The following RBFOX1 variants were observed in gnomAD, a reference collection of about 807,000 sequenced individuals.
RBFOX1 encodes the protein RNA binding protein fox-1 homolog 1.
RBFOX1 carries 8 observed loss-of-function variants against 57.7 expected under a neutral mutation model. That is an observed-to-expected ratio of 0.14 (90% CI 0.08 to 0.25). RBFOX1 has a LOEUF of 0.25. Ranked by LOEUF, RBFOX1 falls within the 10% of genes least tolerant of loss-of-function variation. The pLI, the probability that RBFOX1 is intolerant of heterozygous loss-of-function variation, is 1.00. For synonymous variants in RBFOX1, 326 were observed against 222.4 expected (o/e 1.47, Z -4.15); for missense variants, 611 against 548.5 (o/e 1.11, Z -1.14).
intron 3 of RBFOX1, among the ~76,000 whole-genome samples, chr16:5,785,958 C>T (rs1359703238): frequency 6.6e-6 from 1 of 152,184 alleles, no homozygotes; most frequent in Middle Eastern, 3.2e-3. Context: ...CATTCCCTAC[C>T]TTCATGCTCA....
At chr16:7,508,061 A>C (rs2073948733) in intron 4 of RBFOX1, among the ~76,000 whole-genome samples, 1 of 150,616 alleles carries the variant, frequency 6.6e-6, no homozygotes, top group African/African-American at 2.4e-5. Flanking sequence ...ATCTTGGATC[A>C]CTGCACACTC....
At chr16:7,365,669 C>T (rs80179657) in intron 4 of RBFOX1, among the ~76,000 whole-genome samples, 2 of 152,244 alleles carry the variant, frequency 1.3e-5, no homozygotes, top group East Asian at 3.9e-4. Context: ...TGGCAGGGCA[C>T]AGTAAAGGTA....
chr16:7,669,036 C>G (rs1186779581), intron 13 of RBFOX1, among the ~76,000 whole-genome samples: 1 of 152,192 alleles, frequency 6.6e-6, no homozygotes, highest in African/African-American at 2.4e-5. Context: ...TCCTGAGTAA[C>G]TGGGATTACA....
intron 2 of RBFOX1, among the ~76,000 whole-genome samples, chr16:6,321,926 T>C (rs2081851674): frequency 6.6e-6 from 1 of 152,206 alleles, no homozygotes; most frequent in South Asian, 2.1e-4. Flanking sequence ...CACAGATTGC[T>C]ATACATCTTC....
intron 3 of RBFOX1, among the ~76,000 whole-genome samples, chr16:6,812,636 C>T (rs2089002047): frequency 6.6e-6 from 1 of 152,134 alleles, no homozygotes; most frequent in South Asian, 2.1e-4. Flanking sequence ...CTCAGCCTAC[C>T]ACAGTGCTGG....
chr16:6,472,092 C>T (rs371854284), intron 2 of RBFOX1, among the ~76,000 whole-genome samples: 3 of 152,102 alleles, frequency 2.0e-5, no homozygotes, highest in East Asian at 1.9e-4. Flanking sequence ...CAGACTCTAC[C>T]GACAAATTTA....
chr16:5,769,840 A>C (rs1474243774), intron 3 of RBFOX1, among the ~76,000 whole-genome samples: 1 of 152,152 alleles, frequency 6.6e-6, no homozygotes, highest in Non-Finnish European at 1.5e-5. Context: ...CAAGATAGTA[A>C]ATTTCTGTTG....
chr16:6,971,632 G>A (rs1233745823), intron 3 of RBFOX1, among the ~76,000 whole-genome samples: 1 of 152,076 alleles, frequency 6.6e-6, no homozygotes, highest in African/African-American at 2.4e-5. Context: ...GGCGGAGAAT[G>A]GAGTCAAACA....
At chr16:5,827,858 C>T (rs2056120501) in intron 3 of RBFOX1, among the ~76,000 whole-genome samples, 1 of 151,616 alleles carries the variant, frequency 6.6e-6, no homozygotes, top group Non-Finnish European at 1.5e-5. Flanking sequence ...CCCACCCACT[C>T]ATCCAGGCTT....
chr16:6,596,004 G>A (rs925335226), intron 2 of RBFOX1, among the ~76,000 whole-genome samples: 1 of 151,462 alleles, frequency 6.6e-6, no homozygotes, highest in Non-Finnish European at 1.5e-5. Context: ...TGTATGTAAG[G>A]GTTCTATATT....
intron 14 of RBFOX1, among the ~76,000 whole-genome samples, chr16:7,679,062 C>G (rs1279765346): frequency 6.6e-6 from 1 of 152,200 alleles, no homozygotes; most frequent in Non-Finnish European, 1.5e-5. Flanking sequence ...AAGCAAGACA[C>G]TTGCCACATG....
intron 3 of RBFOX1, among the ~76,000 whole-genome samples, chr16:5,739,455 G>T (rs2052698846): frequency 6.6e-6 from 1 of 152,206 alleles, no homozygotes; most frequent in African/African-American, 2.4e-5. Context: ...TAAGTTATAA[G>T]GAGTATTGGA....
chr16:6,241,108 C>T (rs560471349), intron 1 of RBFOX1, among the ~76,000 whole-genome samples: 2 of 152,180 alleles, frequency 1.3e-5, no homozygotes, highest in Non-Finnish European at 2.9e-5. Flanking sequence ...AACCCAATCT[C>T]AACAGTCTTT....
At chr16:7,145,472 G>T (rs912967402) in intron 4 of RBFOX1, among the ~76,000 whole-genome samples, 1 of 152,150 alleles carries the variant, frequency 6.6e-6, no homozygotes, top group Non-Finnish European at 1.5e-5. Context: ...CTCCCAAAGT[G>T]CTGAGATGAG....
At chr16:5,484,100 G>GT (rs2069643170) in intron 2 of RBFOX1, among the ~76,000 whole-genome samples, 1 of 152,234 alleles carries the variant, frequency 6.6e-6, no homozygotes, top group Non-Finnish European at 1.5e-5. Context: ...GCACCAAAGA[G>GT]GTTGAGGCCG....
intron 4 of RBFOX1, among the ~76,000 whole-genome samples, chr16:7,504,100 C>T (rs2071936321): frequency 6.6e-6 from 1 of 152,082 alleles, no homozygotes; most frequent in Non-Finnish European, 1.5e-5. Context: ...CAGTCATAGG[C>T]TAGGCTCTGG....
At chr16:5,413,012 T>C (rs1425960873) in intron 1 of RBFOX1, among the ~76,000 whole-genome samples, 1 of 152,278 alleles carries the variant, frequency 6.6e-6, no homozygotes, top group East Asian at 1.9e-4. Flanking sequence ...TGGTGACAGC[T>C]CTGGATGAAG....
intron 1 of RBFOX1, among the ~76,000 whole-genome samples, chr16:6,231,136 C>G (rs1369323077): frequency 2.6e-5 from 4 of 151,804 alleles, no homozygotes; most frequent in Admixed American, 2.0e-4. Flanking sequence ...AAGCTGAAAT[C>G]TGAATGTTGA....
rs376214010 is a variant in RBFOX1, at chr16:5,291,500, A to G, written c.219+51395A>G. On this transcript the variant is annotated intron_variant, in intron 1 of 2. Transcript: ENST00000585867. The stretch of plus-strand genomic sequence containing the variant: ...GAATGGTCTGGATCTCCCTAATGTC[A>G]TGATCCACCCGCCTCGGCCTCCCAA... Among the ~76,000 whole-genome samples the G allele has an allele frequency of 8.0e-4, 120 of 150,890 alleles. 2 individuals carry two copies. The East Asian group carries it at 0.022, about 27-fold the overall frequency.
Sources: allele counts gnomAD v4.1 joint callset (sites outside exome capture counted in the v4.1 genomes callset), GRCh38; gene constraint gnomAD v4.1.1; transcripts MANE v1.5; gene names NCBI Gene and HGNC (gene_info 2026-07-23, HGNC 2026-07-21).